Variants in EYS observed in about 807,000 individuals in gnomAD.
EYS encodes EGF-like photoreceptor maintenance factor, also known as protein eyes shut homolog.
EYS carries 250 observed loss-of-function variants against 282.1 expected under a neutral mutation model. That is an observed-to-expected ratio of 0.89 (90% CI 0.80 to 0.98). The LOEUF is 0.98. Among genes scored for constraint, EYS ranks in the 50% least tolerant of loss-of-function variants. EYS has a pLI of 0.00. For missense variants in EYS, 4,016 were observed against 3,709.0 expected, an observed-to-expected ratio of 1.08 and a Z score of -2.15; for synonymous variants, 1,355 against 1,282.9, an observed-to-expected ratio of 1.06 and a Z score of -1.20.
chr6:64,444,560 T>C (rs1775059630), intron 26 of EYS, among the ~76,000 whole-genome samples: 1 of 152,230 alleles, frequency 6.6e-6, no homozygotes, highest in African/African-American at 2.4e-5. Flanking sequence ...GAAACCCATA[T>C]ATGCATTCAA....
chr6:65,006,960 A>C (rs1489552987), intron 13 of EYS, among the ~76,000 whole-genome samples: 1 of 152,224 alleles, frequency 6.6e-6, no homozygotes, highest in African/African-American at 2.4e-5. Context: ...ACAAGAATGC[A>C]TCTTGATGGG....
chr6:64,562,893 T>A (rs1431394698), intron 26 of EYS, among the ~76,000 whole-genome samples: 2 of 151,980 alleles, frequency 1.3e-5, no homozygotes, highest in Non-Finnish European at 2.9e-5. Flanking sequence ...CATAGATGAA[T>A]GATTTTCATT....
chr6:64,587,479 T>G (rs1766269599), intron 26 of EYS, among the ~76,000 whole-genome samples: 1 of 152,092 alleles, frequency 6.6e-6, no homozygotes, highest in South Asian at 2.1e-4. Context: ...TGGCCTACTA[T>G]ATCATTTCTC....
chr6:64,150,678 T>C (rs1020005562), intron 31 of EYS, among the ~76,000 whole-genome samples: 6 of 151,618 alleles, frequency 4.0e-5, no homozygotes, highest in Non-Finnish European at 8.8e-5. Flanking sequence ...AAGGTATATG[T>C]GTAAGCGTTA....
intron 2 of EYS, among the ~76,000 whole-genome samples, chr6:65,513,807 A>C (rs1767000334): frequency 6.6e-6 from 1 of 152,106 alleles, no homozygotes; most frequent in Non-Finnish European, 1.5e-5. Context: ...AATAAGAGCT[A>C]TCTATGACAA....
intron 12 of EYS, among the ~76,000 whole-genome samples, chr6:65,165,708 T>C (rs1764956416): frequency 6.6e-6 from 1 of 151,016 alleles, no homozygotes; most frequent in African/African-American, 2.4e-5. Flanking sequence ...ACCACAACAT[T>C]GTACTGAATA....
intron 28 of EYS, among the ~76,000 whole-genome samples, chr6:64,396,343 T>G (rs1773375351): frequency 6.6e-6 from 1 of 152,152 alleles, no homozygotes; most frequent in Non-Finnish European, 1.5e-5. Context: ...TACTTAGAGT[T>G]CTATGTTCAG....
intron 31 of EYS, among the ~76,000 whole-genome samples, chr6:64,181,566 G>C (rs762683861): frequency 2.2e-4 from 34 of 151,992 alleles, no homozygotes; most frequent in Non-Finnish European, 4.3e-4. Context: ...TAATGCAAAT[G>C]AATCACCTTT....
intron 22 of EYS, among the ~76,000 whole-genome samples, chr6:64,724,880 C>T (rs1214097054): frequency 1.3e-5 from 2 of 151,900 alleles, no homozygotes; most frequent in African/African-American, 2.4e-5. Context: ...TCAAATTTTG[C>T]TATAGAAATT....
At chr6:64,096,795 C>G (rs150226833) in intron 31 of EYS, among the ~76,000 whole-genome samples, 50 of 152,274 alleles carry the variant, frequency 3.3e-4, no homozygotes, top group Admixed American at 7.2e-4. Context: ...TTGCTGGTGA[C>G]GAGCTGCATT....
chr6:64,660,276 T>C (rs1432664208), intron 22 of EYS, among the ~76,000 whole-genome samples: 1 of 121,562 alleles, frequency 8.2e-6, no homozygotes, highest in African/African-American at 3.1e-5. Context: ...CCACAGCCAA[T>C]ATCATACTGA....
At chr6:65,316,470 C>T (rs927375253) in intron 11 of EYS, among the ~76,000 whole-genome samples, 5 of 119,930 alleles carry the variant, frequency 4.2e-5, no homozygotes, top group East Asian at 2.5e-4. Flanking sequence ...CTTTTTTAAT[C>T]GTCAACTTTT....
chr6:65,436,437 C>A (rs1169073157), intron 5 of EYS, among the ~76,000 whole-genome samples: 1 of 151,906 alleles, frequency 6.6e-6, no homozygotes, highest in Non-Finnish European at 1.5e-5. Context: ...AAGGACTCGG[C>A]CAGAGCAATG....
At chr6:64,279,856 A>G (rs1768242739) in intron 30 of EYS, among the ~76,000 whole-genome samples, 1 of 152,176 alleles carries the variant, frequency 6.6e-6, no homozygotes, top group African/African-American at 2.4e-5. Flanking sequence ...GGCCTGCAGA[A>G]TCACATATTT....
Position 65,296,010 on chromosome 6 carries a change from T to A in EYS, c.1876A>T (p.Asn626Tyr). Reference protein sequence around the residue: ...VHGLCLALSHNCNCSGLQRYE... With the variant: ...VHGLCLALSHYCNCSGLQRYE... ...CTTTGCAGACCGCTACAGTTACAAT[T>A]GTGCGAAAGGGCCAGGCAGAGGCCA... The change falls in exon 12 of 43, where the codon AAT becomes TAT. Residue 626 changes from asparagine (N) to tyrosine (Y), a missense_variant. By Grantham distance (143) the Asn-to-Tyr change is moderately radical. Coordinates refer to ENST00000503581, the MANE Select transcript of EYS (RefSeq NM_001142800.2). 6.4e-7 allele frequency: 1 copy of A among 1,551,242 alleles called. No homozygotes were observed. The highest frequency in any genetic ancestry group is 8.7e-7 in the Non-Finnish European group (1 of 1,146,546).
chr6:65,498,861 A>C (rs1247207127), intron 2 of EYS, among the ~76,000 whole-genome samples: 1 of 152,016 alleles, frequency 6.6e-6, no homozygotes, highest in Non-Finnish European at 1.5e-5. Context: ...AACCCTGTCA[A>C]AATAGCAAGC....
intron 2 of EYS, among the ~76,000 whole-genome samples, chr6:65,533,263 C>T (rs1178028327): frequency 6.6e-6 from 1 of 152,036 alleles, no homozygotes; most frequent in Non-Finnish European, 1.5e-5. Flanking sequence ...GACACATACA[C>T]CCTCCCAAGA....
At chr6:64,929,694 A>T (rs1161153254) in intron 15 of EYS, among the ~76,000 whole-genome samples, 2 of 152,178 alleles carry the variant, frequency 1.3e-5, no homozygotes, top group African/African-American at 4.8e-5. Context: ...CAACTTTTCC[A>T]GTGAGAAAAT....
At chr6:63,966,783 A>G (rs1374221172) in intron 35 of EYS, among the ~76,000 whole-genome samples, 2 of 152,200 alleles carry the variant, frequency 1.3e-5, no homozygotes, top group East Asian at 1.9e-4. Flanking sequence ...CGTATAGAGT[A>G]ATTAATACAG....
Sources: gnomAD v4.1 joint callset for allele counts (sites outside exome capture counted in the v4.1 genomes callset) on GRCh38, gnomAD v4.1.1 for gene constraint, MANE v1.5 for transcripts, NCBI Gene and HGNC (gene_info 2026-07-23, HGNC 2026-07-21) for gene names.